The following NREP variants were observed in gnomAD, a reference collection of about 807,000 sequenced individuals.
NREP encodes the protein neuronal regeneration-related protein.
NREP carries 5 observed loss-of-function variants against 8.6 expected under a neutral mutation model. That is an observed-to-expected ratio of 0.58 (90% CI 0.30 to 1.22). The LOEUF (loss-of-function observed/expected upper bound fraction) is 1.22. Among genes scored for constraint, NREP ranks in the 50% most tolerant of loss-of-function variants. The pLI is 0.07. For synonymous variants in NREP, 27 were observed against 28.0 expected, an observed-to-expected ratio of 0.96 and a Z score of 0.11; for missense variants, 86 against 82.5, an observed-to-expected ratio of 1.04 and a Z score of -0.17.
intron 2 of NREP, among the ~76,000 whole-genome samples, chr5:111,803,130 T>C (rs1008138210): frequency 1.2e-4 from 19 of 152,284 alleles, no homozygotes; most frequent in Non-Finnish European, 2.1e-4. Context: ...CCAAGTGCCA[T>C]TGATACCAGC....
At chr5:111,800,273 C>T (rs941751263) in intron 2 of NREP, among the ~76,000 whole-genome samples, 2 of 152,136 alleles carry the variant, frequency 1.3e-5, no homozygotes, top group Non-Finnish European at 2.9e-5. Flanking sequence ...AACTTATTGG[C>T]ATTTTCATTA....
At chr5:111,818,523 C>A (rs771494028) in intron 2 of NREP, among the ~76,000 whole-genome samples, 44 of 152,006 alleles carry the variant, frequency 2.9e-4, no homozygotes, top group Non-Finnish European at 6.0e-4. Flanking sequence ...CATTTGTAAA[C>A]TGAGATTAAG....
Position 111,858,439 on chromosome 5 carries a change from T to C in NREP, c.135+116835A>G, listed in dbSNP as rs150957843. The stretch of plus-strand genomic sequence containing the variant: ...TCTCATCCTATATGTCTTGGTAGCA[T>C]CTGTGTTCAGCTTTTGACTGAAAGG... On this transcript the variant is annotated intron_variant, in intron 2 of 3. Transcript: ENST00000395634. 2.6e-3 allele frequency among the ~76,000 whole-genome samples: 394 copies of C among 152,260 alleles called. 1 individual carries two copies. The highest frequency in any genetic ancestry group is 4.8e-3 in the Non-Finnish European group (329 of 68,006).
chr5:111,859,648 G>A (rs551128783), intron 2 of NREP, among the ~76,000 whole-genome samples: 2 of 152,120 alleles, frequency 1.3e-5, no homozygotes, highest in South Asian at 2.1e-4. Context: ...CTACCCTACC[G>A]TACCTGTAGG....
At chr5:111,737,548 C>G (rs1357276627) in intron 2 of NREP, among the ~76,000 whole-genome samples, 1 of 151,986 alleles carries the variant, frequency 6.6e-6, no homozygotes, top group Admixed American at 6.6e-5. Flanking sequence ...CGTTCTTGTG[C>G]TTTTCTGGGA....
At chr5:111,784,909 C>A (rs1446736457) in intron 2 of NREP, among the ~76,000 whole-genome samples, 1 of 152,140 alleles carries the variant, frequency 6.6e-6, no homozygotes, top group East Asian at 1.9e-4. Flanking sequence ...AAATTACTTT[C>A]TACAAAGTCA....
At chr5:111,838,747 A>G (rs1752955819) in intron 2 of NREP, among the ~76,000 whole-genome samples, 1 of 152,084 alleles carries the variant, frequency 6.6e-6, no homozygotes, top group Admixed American at 6.6e-5. Flanking sequence ...ATATAAATTT[A>G]TAAGACATAC....
chr5:111,809,602 G>A (rs1752222798), intron 2 of NREP, among the ~76,000 whole-genome samples: 1 of 151,994 alleles, frequency 6.6e-6, no homozygotes. Flanking sequence ...ATATTCCTCG[G>A]GTTTTGCCTC....
chr5:111,927,156 G>T (rs939578904), intron 2 of NREP, among the ~76,000 whole-genome samples: 6 of 152,048 alleles, frequency 3.9e-5, no homozygotes, highest in African/African-American at 1.4e-4. Context: ...ATGGTCACCT[G>T]ACATTCCTGG....
chr5:111,828,780 T>C (rs1262672267), intron 2 of NREP, among the ~76,000 whole-genome samples: 1 of 152,206 alleles, frequency 6.6e-6, no homozygotes, highest in Admixed American at 6.5e-5. Flanking sequence ...TAAGATATTA[T>C]TACATTCAAC....
At chr5:111,782,152 T>C (rs1264711859) in intron 2 of NREP, among the ~76,000 whole-genome samples, 14 of 152,204 alleles carry the variant, frequency 9.2e-5, no homozygotes, top group Admixed American at 8.5e-4. Flanking sequence ...GCTGTGATTA[T>C]TGTAGTACTC....
chr5:111,844,056 A>G (rs920256099), intron 2 of NREP, among the ~76,000 whole-genome samples: 1 of 152,250 alleles, frequency 6.6e-6, no homozygotes, highest in Non-Finnish European at 1.5e-5. Context: ...ATAGAAAGGT[A>G]TATCAGGCAA....
At chr5:111,832,269 G>C (rs970002962) in intron 2 of NREP, among the ~76,000 whole-genome samples, 1 of 152,062 alleles carries the variant, frequency 6.6e-6, no homozygotes, top group Non-Finnish European at 1.5e-5. Context: ...TGTAATCCTA[G>C]CACTTTGGGA....
At chr5:111,781,882 T>A (rs1195925294) in intron 2 of NREP, among the ~76,000 whole-genome samples, 1 of 152,108 alleles carries the variant, frequency 6.6e-6, no homozygotes, top group African/African-American at 2.4e-5. Flanking sequence ...ACTTCAAGGA[T>A]AGCCAATGAG....
At chr5:111,872,661 C>A (rs527837523) in intron 2 of NREP, among the ~76,000 whole-genome samples, 9 of 152,194 alleles carry the variant, frequency 5.9e-5, no homozygotes, top group South Asian at 4.1e-4. Flanking sequence ...ATGGTTAGAA[C>A]ACCTTAAAGG....
chr5:111,924,563 G>T (rs1755331945), intron 2 of NREP, among the ~76,000 whole-genome samples: 1 of 152,076 alleles, frequency 6.6e-6, no homozygotes, highest in African/African-American at 2.4e-5. Flanking sequence ...GAATGAATTG[G>T]GACTATGGCC....
intron 3 of NREP, chr5:111,734,662 G>C: frequency 1.5e-6 from 1 of 677,728 alleles, no homozygotes; most frequent in East Asian, 2.7e-5. Context: ...AGCTGGGGGA[G>C]GACTCACCGT....
At chr5:111,918,041 A>G (rs537657733) in intron 2 of NREP, among the ~76,000 whole-genome samples, 18 of 152,332 alleles carry the variant, frequency 1.2e-4, no homozygotes, top group African/African-American at 4.1e-4. Context: ...TGCAAAAATC[A>G]CAGGCATTCC....
intron 2 of NREP, among the ~76,000 whole-genome samples, chr5:111,800,085 C>CTTTTTTTT (rs750853784): frequency 7.1e-6 from 1 of 141,162 alleles, no homozygotes. Context: ...ACGCCAACTA[C>CTTTTTTTT]TTTTTTTTTT....
Sources: allele counts gnomAD v4.1 joint callset (sites outside exome capture counted in the v4.1 genomes callset), GRCh38; gene constraint gnomAD v4.1.1; transcripts MANE v1.5; gene names NCBI Gene and HGNC (gene_info 2026-07-23, HGNC 2026-07-21).